The following CNTNAP1 variants were observed in gnomAD, a reference collection of about 807,000 sequenced individuals.
CNTNAP1 encodes the protein contactin-associated protein 1.
In CNTNAP1, 80 loss-of-function variants were observed where a neutral mutation model predicts 161.5. That is an observed-to-expected ratio of 0.50 (90% CI 0.41 to 0.60). The LOEUF is 0.60. Among genes scored for constraint, CNTNAP1 ranks in the 20% least tolerant of loss-of-function variants. The probability of loss-of-function intolerance (pLI) is 0.00; values close to 1 mark genes in which losing one functional copy is unlikely to be tolerated. For synonymous variants in CNTNAP1, 695 were observed against 733.1 expected (o/e 0.95, Z 0.84); for missense variants, 1,464 against 1,854.8 (o/e 0.79, Z 3.87).
intron 6 of CNTNAP1, among the ~76,000 whole-genome samples, 167 bp downstream of exon 6, chr17:42,686,308 G>A (rs2053006550): frequency 6.6e-6 from 1 of 151,970 alleles, no homozygotes; most frequent in African/African-American, 2.4e-5. Flanking sequence ...GGAGGCTGAG[G>A]TGGGAGGATT....
In CNTNAP1 at chr17:42,691,979, G is replaced by A. The variant is rs770356660; in HGVS notation, c.2518G>A (p.Val840Met). Residue 840 changes from valine (V) to methionine (M), a missense_variant, in exon 16 of 24, where the codon GTG (valine) becomes ATG (methionine). By Grantham distance (21) the Val-to-Met change is conservative (BLOSUM62 1). Transcript: ENST00000264638. The surrounding 1 kb of genome is among the most constrained non-coding windows in gnomAD (Gnocchi z 4.3). Reference sequence around the variant, plus strand: ...CCAGTGGCGCCGACCTTATGTGCGGGTGGAACTCAACAGTGAGCAGGCAGA... The same window carrying A: ...CCAGTGGCGCCGACCTTATGTGCGGATGGAACTCAACAGTGAGCAGGCAGA... ...YCQWRRPYVR[V>M]ELNTSRDVVF... is the part of the protein sequence containing the mutation. 4 of 1,614,032 alleles carry A rather than the reference G, an allele frequency of 2.5e-6. No homozygotes were observed. The highest frequency in any genetic ancestry group is 1.3e-5 in the African/African-American group (1 of 75,034).
Position 42,685,137 on chromosome 17 carries a change from C to G in CNTNAP1, c.510C>G (p.Tyr170Ter). The change falls in exon 4 of 24, where the codon TAC (tyrosine) becomes TAG (stop). Residue 170 changes from tyrosine to a stop codon, truncating the protein, a stop_gained and splice_region_variant. Transcript: ENST00000264638. LOFTEE classifies it high-confidence loss of function. The surrounding 1 kb of genome is among the most constrained non-coding windows in gnomAD (Gnocchi z 5.0). ...GGCTCGGCCTCTATGGCTGCCCATA[C>G]AGTAAGTGTGCAGAGAGCGCGGAGG... ...GLRLGLYGCP[Y>*]KADILYFDGD... 1 of 1,594,942 alleles carries G rather than the reference C, an allele frequency of 6.3e-7. No homozygotes were observed. Among genetic ancestry groups the G allele is most frequent in the Non-Finnish European group, 8.6e-7 (1 of 1,169,192 alleles).
At position 42,685,189 on chromosome 17, in the gene CNTNAP1, C is replaced by T. The variant is rs755855645; in HGVS notation, c.512-28C>T. ...GGCCTGGGAGACAGCCTCCCCAGTT[C>T]CCGGCCCACCTACGGTCCTTTGCGC... On this transcript the variant is annotated intron_variant, in intron 4 of 23. Coordinates refer to ENST00000264638, the MANE Select transcript of CNTNAP1 (RefSeq NM_003632.3). The surrounding 1 kb of genome is among the most constrained non-coding windows in gnomAD (Gnocchi z 5.0). 8 of 1,612,206 alleles carry T rather than the reference C, an allele frequency of 5.0e-6. No individual in the cohort carries two copies. Among genetic ancestry groups the T allele is most frequent in the East Asian group, 2.2e-5 (1 of 44,862 alleles).
chr17:42,693,895 C>T (rs2053123055), intron 18 of CNTNAP1, among the ~76,000 whole-genome samples: 1 of 151,976 alleles, frequency 6.6e-6, no homozygotes, highest in Non-Finnish European at 1.5e-5. Context: ...GATGGAATCT[C>T]GCTCTGTCAC....
rs762101272 is a variant in CNTNAP1 at position 42,697,308 on chromosome 17, C to T, written c.3509C>T (p.Ser1170Leu). 6.8e-6 allele frequency: 11 copies of T among 1,613,332 alleles called. No homozygotes were observed. The highest frequency in any genetic ancestry group is 6.8e-6 in the Non-Finnish European group (8 of 1,179,658). The change falls in exon 21 of 24, where the codon TCG (serine) becomes TTG (leucine). Residue 1170 changes from serine to leucine, a missense_variant. Physicochemically the swap from Ser to Leu is moderately radical, Grantham distance 145. Around this residue, in one of 3 missense-constraint regions of CNTNAP1, gnomAD observed 1,383 missense variants for 1,765.0 expected, o/e 0.78. Coordinates refer to ENST00000264638, the MANE Select transcript of CNTNAP1 (RefSeq NM_003632.3). ...TTCCCACTGACAGAGCAGAAGTTCT[C>T]GCTGTTGGTGGACAGCCAGTTGGAC... ...DYFPLTEQKF[S>L]LLVDSQLDSP...
Position 42,693,291 on chromosome 17 carries a change from T to A in CNTNAP1, c.2753-6T>A. ...CATTTCTTGACCTGTTGCCTACCCT[T>A]CCCAGGATCTGCAGAGCTTAAGAGA... is the stretch of plus-strand genomic sequence containing the variant. On this transcript the variant is annotated splice_region_variant and splice_polypyrimidine_tract_variant and intron_variant, in intron 17 of 23. Coordinates refer to ENST00000264638, the MANE Select transcript of CNTNAP1 (RefSeq NM_003632.3). The A allele has an allele frequency of 6.2e-7, 1 of 1,613,802 alleles. No homozygotes were observed. Among genetic ancestry groups the A allele is most frequent in the South Asian group, 1.1e-5 (1 of 91,086 alleles).
Position 42,691,305 on chromosome 17 carries a change from AAGGGAC to A in CNTNAP1, c.2216+17_2216+22del, listed in dbSNP as rs2053083261. 6.2e-7 allele frequency: 1 copy of A among 1,613,928 alleles called. No individual in the cohort carries two copies. Among genetic ancestry groups the A allele is most frequent in the South Asian group, 1.1e-5 (1 of 91,084 alleles). ...GACCAGCCCCAGTGGTGAGGGGGCA[AAGGGAC>A]AGGGTTTTTAGGACTCCGGGAGTGG... is the stretch of plus-strand genomic sequence containing the variant. On this transcript the variant is annotated intron_variant, in intron 14 of 23. Coordinates refer to ENST00000264638, the MANE Select transcript of CNTNAP1 (RefSeq NM_003632.3). This position sits in a 1 kb window ranked among gnomAD's most constrained non-coding sequence, Gnocchi z 4.3.
Position 42,698,759 on chromosome 17 carries a change from C to G in CNTNAP1, c.4004C>G (p.Pro1335Arg), listed in dbSNP as rs888963438. The stretch of plus-strand genomic sequence containing the variant: ...CATCCTGGCAGCAAACCTCCCCTAC[C>G]CACTTCAGGCCCTGCCCAGGTCCCC... The part of the protein sequence containing the change: ...EYHPGSKPPL[P>R]TSGPAQVPTP... Residue 1335 changes from proline (P) to arginine (R), a missense_variant, in exon 24 of 24, where the codon CCC becomes CGC. This residue lies in a region of CNTNAP1 where 1,383 missense variants were observed against 1,765.0 expected (regional missense o/e 0.78). Coordinates refer to ENST00000264638, the MANE Select transcript of CNTNAP1 (RefSeq NM_003632.3). 6.2e-7 allele frequency: 1 copy of G among 1,613,128 alleles called. No homozygotes were observed. The highest frequency in any genetic ancestry group is 8.5e-7 in the Non-Finnish European group (1 of 1,179,920).
Position 42,685,805 on chromosome 17 carries a change from C to T in CNTNAP1, c.716-152C>T. ...ACAGGAAGCCAGGCTAAATGGCTTA[C>T]CCTGTCACACACTCGCCAATGGCTG... On this transcript the variant is annotated intron_variant, in intron 5 of 23. Coordinates refer to ENST00000264638, the MANE Select transcript of CNTNAP1 (RefSeq NM_003632.3). This position sits in a 1 kb window ranked among gnomAD's most constrained non-coding sequence, Gnocchi z 5.0. The T allele has an allele frequency of 1.3e-6, 1 of 771,456 alleles. No individual in the cohort carries two copies. The highest frequency in any genetic ancestry group is 1.9e-5 in the South Asian group (1 of 54,024). The allele number at this position is 771,456 out of a possible 1,614,324, so 47.8% of individuals were successfully genotyped here.
intron 18 of CNTNAP1, among the ~76,000 whole-genome samples, chr17:42,694,631 CAA>C (rs34438412): frequency 1.5e-5 from 2 of 137,568 alleles, no homozygotes; most frequent in Non-Finnish European, 1.6e-5. Flanking sequence ...ACTGTGTCTA[CAA>C]AAAAAAAAAA....
chr17:42,689,772 G>C (rs2053061909), intron 11 of CNTNAP1, 145 bp downstream of exon 11: 1 of 690,760 alleles, frequency 1.4e-6, no homozygotes, highest in African/African-American at 1.8e-5. Context: ...ACAGAGTCTT[G>C]CTCTGTTGCC....
chr17:42,697,589 A>C lies in CNTNAP1; in HGVS notation c.3604A>C (p.Asn1202His). ...CATTGACCCGGAGATCCAGCGCTAC[A>C]ACACCCCAGGTTTCTCAGGCTGCCT... ...GVIDPEIQRY[N>H]TPGFSGCLSG... is the part of the protein sequence containing the mutation. The change falls in exon 22 of 24, where the codon AAC (asparagine) becomes CAC (histidine). Residue 1202 changes from asparagine (N) to histidine (H), a missense_variant. By Grantham distance (68) the Asn-to-His change is moderately conservative. Coordinates refer to ENST00000264638, the MANE Select transcript of CNTNAP1 (RefSeq NM_003632.3). The C allele has an allele frequency of 6.2e-7, 1 of 1,613,992 alleles. No individual in the cohort carries two copies. The highest frequency in any genetic ancestry group is 8.5e-7 in the Non-Finnish European group (1 of 1,179,998).
At position 42,685,980 on chromosome 17, in the gene CNTNAP1, C is replaced by A. The variant is rs754233759; in HGVS notation, c.739C>A (p.Pro247Thr). ...AGGCAGCAGCCCTATCCAGCCAAGA[C>A]CAGGTCACACCACCGTGAGCGCAGG... Reference protein sequence around the residue: ...SLGSSPIQPRPGHTTVSAGGV... With the variant: ...SLGSSPIQPRTGHTTVSAGGV... The change falls in exon 6 of 24, where the codon CCA becomes ACA. Residue 247 changes from proline to threonine, a missense_variant. Physicochemically the swap from Pro to Thr is conservative, Grantham distance 38 (BLOSUM62 -1). This residue lies in a region of CNTNAP1 where 1,383 missense variants were observed against 1,765.0 expected (regional missense o/e 0.78). Coordinates refer to ENST00000264638, the MANE Select transcript of CNTNAP1 (RefSeq NM_003632.3). This position sits in a 1 kb window ranked among gnomAD's most constrained non-coding sequence, Gnocchi z 5.0. 2 of 1,614,202 alleles carry A rather than the reference C, an allele frequency of 1.2e-6. No homozygotes were observed. Among genetic ancestry groups the A allele is most frequent in the South Asian group, 2.2e-5 (2 of 91,074 alleles).
chr17:42,695,221 T>C lies in CNTNAP1; in HGVS notation c.2993-300T>C, dbSNP rs375504997. Among the ~76,000 whole-genome samples, 6 of 152,192 alleles carry C rather than the reference T, an allele frequency of 3.9e-5. No homozygotes were observed. In the East Asian group the frequency reaches 5.8e-4, roughly 15 times the overall value. On this transcript the variant is annotated intron_variant, in intron 18 of 23. Coordinates refer to ENST00000264638, the MANE Select transcript of CNTNAP1 (RefSeq NM_003632.3). ...CCTTGGCCTCCCAAAGTGCTGGGAT[T>C]ACAGGTGTGAGCCACTGTGCCTGGC...
chr17:42,688,663 A>C, intron 9 of CNTNAP1, 52 bp downstream of exon 9: 30 of 1,611,568 alleles, frequency 1.9e-5, no homozygotes, highest in Non-Finnish European at 2.5e-5. Flanking sequence ...GGAAGGCTCC[A>C]TCTAAGTCCA....
chr17:42,686,904 T>G lies in CNTNAP1; in HGVS notation c.902T>G (p.Met301Arg). 6.3e-7 allele frequency: 1 copy of G among 1,599,224 alleles called. No individual in the cohort carries two copies. Among genetic ancestry groups the G allele is most frequent in the Non-Finnish European group, 8.6e-7 (1 of 1,168,352 alleles). The change falls in exon 7 of 24, where the codon ATG becomes AGG. Residue 301 changes from methionine (M) to arginine (R), a missense_variant and splice_region_variant. Transcript: ENST00000264638. ...CCTCATTCCCCACGCCTCCCGCAGA[T>G]GTTCATCGGAGGTCTGGTGGGCGCC... ...DFERLNLDTE[M>R]FIGGLVGAAR... is the part of the protein sequence containing the mutation.
intron 20 of CNTNAP1, among the ~76,000 whole-genome samples, chr17:42,696,360 G>A (rs1408488670): frequency 7.2e-6 from 1 of 139,332 alleles, no homozygotes; most frequent in Admixed American, 7.4e-5. Context: ...TTTTGCTCTT[G>A]TTGCCCAGGC....
At chr17:42,690,290 C>T (rs1291682871) in intron 12 of CNTNAP1, 83 bp downstream of exon 12, 3 of 1,519,520 alleles carry the variant, frequency 2.0e-6, no homozygotes, top group Non-Finnish European at 2.7e-6. Context: ...TTAGACTAAA[C>T]AAGTGAGGGT....
intron 1 of CNTNAP1, chr17:42,683,285 G>C: frequency 2.0e-6 from 2 of 983,748 alleles, no homozygotes; most frequent in Non-Finnish European, 2.5e-6. Flanking sequence ...TGTGGCTAGG[G>C]CTGGGGTTTG....
Sources: gnomAD v4.1 joint callset for allele counts (sites outside exome capture counted in the v4.1 genomes callset) on GRCh38, gnomAD v4.1.1 for gene constraint, gnomAD v4.1.1 regional missense constraint, Gnocchi (gnomAD v3.1) non-coding constraint, MANE v1.5 for transcripts, NCBI Gene and HGNC (gene_info 2026-07-23, HGNC 2026-07-21) for gene names.